Variants in TMPRSS15 observed in about 807,000 individuals in gnomAD.
The protein encoded by TMPRSS15 is enteropeptidase.
In TMPRSS15, 128 loss-of-function variants were observed where a neutral mutation model predicts 125.3. The ratio of observed to expected loss-of-function variants is 1.02; its 90% CI spans 0.89 to 1.18. The LOEUF is 1.18. TMPRSS15 is among the 50% of genes most tolerant of loss of function. The probability of loss-of-function intolerance (pLI) is 0.00; values close to 1 mark genes in which losing one functional copy is unlikely to be tolerated. For synonymous variants in TMPRSS15, 446 were observed against 423.2 expected (o/e 1.05, Z -0.66); for missense variants, 1,283 against 1,212.7 (o/e 1.06, Z -0.86).
intron 1 of TMPRSS15, among the ~76,000 whole-genome samples, chr21:18,423,722 A>C (rs2076197212): frequency 1.3e-5 from 2 of 151,984 alleles, no homozygotes; most frequent in Admixed American, 1.3e-4. Flanking sequence ...GGCCTAAAAT[A>C]AATTCCTCAT....
intron 1 of TMPRSS15, among the ~76,000 whole-genome samples, chr21:18,456,459 T>C (rs1388527036): frequency 6.6e-6 from 1 of 152,160 alleles, no homozygotes; most frequent in Non-Finnish European, 1.5e-5. Context: ...TTTTGCCAGT[T>C]ACATTTCTCA....
intron 1 of TMPRSS15, among the ~76,000 whole-genome samples, chr21:18,456,722 GCTA>G (rs1309414216): frequency 2.6e-5 from 4 of 151,978 alleles, no homozygotes; most frequent in Non-Finnish European, 5.9e-5. Flanking sequence ...CATACGTAGT[GCTA>G]CTACTGATTA....
At chr21:18,346,770 G>A (rs1042156863) in intron 10 of TMPRSS15, among the ~76,000 whole-genome samples, 21 of 152,148 alleles carry the variant, frequency 1.4e-4, no homozygotes, top group African/African-American at 4.8e-4. Context: ...AGCTCTCTGA[G>A]TCTTCTTGGG....
chr21:18,281,027 T>C lies in TMPRSS15; in HGVS notation c.2668+13A>G. 4 of 1,323,524 alleles carry C rather than the reference T, an allele frequency of 3.0e-6. No individual in the cohort carries two copies. Among genetic ancestry groups the C allele is most frequent in the Non-Finnish European group, 4.0e-6 (4 of 995,024 alleles). 82.0% of individuals were successfully genotyped at this position (1,323,524 alleles called of 1,614,324 possible). A position where few individuals can be genotyped will look rare whatever the true frequency, so the allele number is the denominator to read the frequency against. ...GGCAGATAAGATGACTAAGAGTGATTTTTTTTTTTTACCTGTGTAATTCAC... is the reference window on the plus strand; with the variant it reads ...GGCAGATAAGATGACTAAGAGTGATCTTTTTTTTTTACCTGTGTAATTCAC... On this transcript the variant is annotated intron_variant, in intron 22 of 24. Coordinates refer to ENST00000284885, the MANE Select transcript of TMPRSS15 (RefSeq NM_002772.3).
intron 7 of TMPRSS15, among the ~76,000 whole-genome samples, chr21:18,364,394 C>T (rs2225405): frequency 0.53 from 80,886 of 151,898 alleles, 21,942 homozygotes; most frequent in East Asian, 0.86. Context: ...AGACTTACAT[C>T]GCATGTTAAC....
At chr21:18,278,904 G>A (rs2074653283) in intron 23 of TMPRSS15, 60 bp downstream of exon 23, 3 of 861,042 alleles carry the variant, frequency 3.5e-6, no homozygotes, top group South Asian at 3.1e-5. Context: ...TATTATGACA[G>A]TCTGTTTTTC....
chr21:18,424,810 T>C (rs1445635474), intron 1 of TMPRSS15, among the ~76,000 whole-genome samples: 1 of 150,404 alleles, frequency 6.6e-6, no homozygotes, highest in Admixed American at 6.6e-5. Context: ...AGTTATATGC[T>C]ATTTGTTGTG....
At chr21:18,396,851 T>TATCTATCTATCTATCTATC (rs1555909744) in intron 3 of TMPRSS15, among the ~76,000 whole-genome samples, 1 of 150,356 alleles carries the variant, frequency 6.7e-6, no homozygotes, top group Non-Finnish European at 1.5e-5. Flanking sequence ...TCTATCTATC[T>TATCTATCTATCTATCTATC]TAAGTCACAA....
chr21:18,474,541 C>T (rs758227235), intron 1 of TMPRSS15, among the ~76,000 whole-genome samples: 46 of 152,024 alleles, frequency 3.0e-4, no homozygotes, highest in Non-Finnish European at 3.5e-4. Flanking sequence ...CCATACACCT[C>T]GGCCTCCCAA....
At chr21:18,329,725 T>G (rs553025917) in intron 14 of TMPRSS15, among the ~76,000 whole-genome samples, 2 of 151,724 alleles carry the variant, frequency 1.3e-5, no homozygotes, top group Admixed American at 1.3e-4. Flanking sequence ...TTAATATTTA[T>G]TTTAAAATTT....
rs369066319 is a variant in TMPRSS15, at chr21:18,469,009, G to A, written c.10+16790C>T. Among the ~76,000 whole-genome samples the A allele has an allele frequency of 1.1e-4, 16 of 152,240 alleles. No individual in the cohort carries two copies. The East Asian group carries it at 3.1e-3, about 29-fold the overall frequency. The stretch of plus-strand genomic sequence containing the variant: ...CTAATAAAATTTGCATGTATATAAA[G>A]TAGAAAATCACATGCTTTAACATAA... On this transcript the variant is annotated intron_variant, in intron 1 of 7. Coordinates refer to the TMPRSS15 transcript ENST00000422787.
intron 10 of TMPRSS15, among the ~76,000 whole-genome samples, chr21:18,348,525 T>G (rs960360392): frequency 6.6e-6 from 1 of 152,178 alleles, no homozygotes; most frequent in African/African-American, 2.4e-5. Context: ...TAGATAAATA[T>G]TATTAAAAGC....
chr21:18,382,732 G>A (rs2075903919), intron 4 of TMPRSS15, among the ~76,000 whole-genome samples: 1 of 151,990 alleles, frequency 6.6e-6, no homozygotes, highest in Non-Finnish European at 1.5e-5. Flanking sequence ...AAATGTATTT[G>A]GTCCCAAGGT....
At position 18,383,687 on chromosome 21, in the gene TMPRSS15, C is replaced by T; in HGVS notation, c.436G>A (p.Ala146Thr). 2 of 1,613,990 alleles carry T rather than the reference C, an allele frequency of 1.2e-6. No individual in the cohort carries two copies. Among genetic ancestry groups the T allele is most frequent in the Non-Finnish European group, 1.7e-6 (2 of 1,179,928 alleles). Residue 146 changes from alanine (A) to threonine (T), a missense_variant, in exon 4 of 25, where the codon GCA (alanine) becomes ACA (threonine). By Grantham distance (58) the Ala-to-Thr change is moderately conservative. Coordinates refer to ENST00000284885, the MANE Select transcript of TMPRSS15 (RefSeq NM_002772.3). ...VKEELIQGLE[A>T]NKSSQLVTFH... ...GTGACCAGTTGGCTGGATTTATTTG[C>T]TTCAAGGCCTTGAATCAGTTCTTCT...
intron 18 of TMPRSS15, among the ~76,000 whole-genome samples, chr21:18,305,152 G>C (rs536245707): frequency 6.7e-6 from 1 of 148,786 alleles, no homozygotes; most frequent in Non-Finnish European, 1.5e-5. Context: ...CAATAGGCCA[G>C]AGGTAGGATT....
Position 18,420,359 on chromosome 21 carries a change from T to C in TMPRSS15, c.11-22030A>G, listed in dbSNP as rs148017376. Among the ~76,000 whole-genome samples the C allele has an allele frequency of 1.2e-4, 18 of 152,326 alleles. No individual in the cohort carries two copies. In the East Asian group the frequency reaches 3.3e-3, roughly 28 times the overall value. On this transcript the variant is annotated intron_variant, in intron 1 of 7. Transcript: ENST00000422787. ...TTTTATTACTTCCTTATTAAGTAGCTAGGTGGCAGTTTGTGGTTGAATAGA... is the reference window on the plus strand; with the variant it reads ...TTTTATTACTTCCTTATTAAGTAGCCAGGTGGCAGTTTGTGGTTGAATAGA...
intron 6 of TMPRSS15, 123 bp from the exon 7 acceptor site, chr21:18,365,371 T>C (rs776713693): frequency 3.7e-5 from 29 of 792,222 alleles, no homozygotes; most frequent in Non-Finnish European, 5.7e-5. Context: ...ACTGAAATGA[T>C]AGTAAGATTT....
chr21:18,352,872 C>A (rs763250257), intron 10 of TMPRSS15, 31 bp downstream of exon 10: 7 of 1,607,152 alleles, frequency 4.4e-6, no homozygotes, highest in Non-Finnish European at 6.0e-6. Context: ...GAATTAAAAT[C>A]CTTTTGACTT....
intron 8 of TMPRSS15, among the ~76,000 whole-genome samples, chr21:18,358,857 C>A (rs1016592683): frequency 6.6e-6 from 1 of 151,970 alleles, no homozygotes; most frequent in African/African-American, 2.4e-5. Flanking sequence ...TTTCTCAAAT[C>A]ATTAAATCTG....
Sources: gnomAD v4.1 joint callset for allele counts (sites outside exome capture counted in the v4.1 genomes callset) on GRCh38, gnomAD v4.1.1 for gene constraint, MANE v1.5 for transcripts, NCBI Gene and HGNC (gene_info 2026-07-23, HGNC 2026-07-21) for gene names.